The following TMEM117 variants were observed in gnomAD, a reference collection of about 807,000 sequenced individuals.
TMEM117 encodes transmembrane protein 117.
In TMEM117, 27 loss-of-function variants were observed where a neutral mutation model predicts 52.4. That is an observed-to-expected ratio of 0.51 (90% CI 0.38 to 0.71). TMEM117 has a LOEUF of 0.71. Among genes scored for constraint, TMEM117 ranks in the 30% least tolerant of loss-of-function variants. The probability of loss-of-function intolerance (pLI) is 0.00; values close to 1 mark genes in which losing one functional copy is unlikely to be tolerated. For synonymous variants in TMEM117, 215 were observed against 206.3 expected, an observed-to-expected ratio of 1.04 and a Z score of -0.36; for missense variants, 556 against 630.5, an observed-to-expected ratio of 0.88 and a Z score of 1.26.
rs1330358683 is a variant in TMEM117 at position 44,299,613 on chromosome 12, A to T, written c.642A>T (p.Val214=). The T allele has an allele frequency of 6.2e-7, 1 of 1,614,162 alleles. No individual in the cohort carries two copies. The highest frequency in any genetic ancestry group is 1.7e-5 in the Admixed American group (1 of 60,022). ...TTTTTACTCTGACGTCTGTGGTTGT[A>T]CTTGTGATTACAACGGACTGGATCA... ...TVLFTLTSVV[V]LVITTDWISW... Residue 214 remains valine (V), a synonymous_variant, in exon 6 of 8, where the codon GTA becomes GTT. Transcript: ENST00000266534.
intron 2 of TMEM117, among the ~76,000 whole-genome samples, chr12:43,907,271 C>T (rs1944409233): frequency 6.6e-6 from 1 of 151,928 alleles, no homozygotes; most frequent in Admixed American, 6.6e-5. Flanking sequence ...TCCAACAGAC[C>T]TGCAGCCGAG....
chr12:44,024,694 A>G (rs932144061), intron 3 of TMEM117, among the ~76,000 whole-genome samples: 4 of 152,088 alleles, frequency 2.6e-5, no homozygotes, highest in Non-Finnish European at 5.9e-5. Flanking sequence ...GATTGTGGTG[A>G]TTGAAAGTCA....
chr12:44,123,765 C>T lies in TMEM117; in HGVS notation c.411-19760C>T, dbSNP rs150825995. 4.2e-3 allele frequency among the ~76,000 whole-genome samples: 645 copies of T among 151,996 alleles called. 2 individuals carry two copies. The highest frequency in any genetic ancestry group is 7.7e-3 in the Non-Finnish European group (522 of 67,934). ...ATTCTGTTACATTGGTATATGTGTCCGTTTTTGTACTGGTACCATGCTGTT... is the reference window on the plus strand; with the variant it reads ...ATTCTGTTACATTGGTATATGTGTCTGTTTTTGTACTGGTACCATGCTGTT... On this transcript the variant is annotated intron_variant, in intron 3 of 7. Transcript: ENST00000266534.
intron 3 of TMEM117, among the ~76,000 whole-genome samples, chr12:44,102,204 A>T (rs1947873219): frequency 6.6e-6 from 1 of 152,048 alleles, no homozygotes; most frequent in African/African-American, 2.4e-5. Flanking sequence ...ATTAATATTG[A>T]GAAGAAAGCA....
the TMEM117 span, among the ~76,000 whole-genome samples, chr12:43,830,160 A>AGGAATG: frequency 0.052 from 7,815 of 151,552 alleles, 360 homozygotes; most frequent in African/African-American, 0.12. Flanking sequence ...TCAAGGTAAT[A>AGGAATG]GCCCTGTGAA....
At chr12:44,371,032 A>G (rs1368866738) in intron 6 of TMEM117, among the ~76,000 whole-genome samples, 5 of 152,174 alleles carry the variant, frequency 3.3e-5, no homozygotes, top group Non-Finnish European at 5.9e-5. Flanking sequence ...TACTAGGACA[A>G]CTTTGCCAAT....
At chr12:44,040,173 A>G (rs1946774960) in intron 3 of TMEM117, among the ~76,000 whole-genome samples, 1 of 152,180 alleles carries the variant, frequency 6.6e-6, no homozygotes, top group Admixed American at 6.5e-5. Context: ...GCCATTATAT[A>G]GTATTCCCAC....
chr12:44,291,664 A>G (rs1258137042), intron 5 of TMEM117, among the ~76,000 whole-genome samples: 1 of 151,828 alleles, frequency 6.6e-6, no homozygotes, highest in Non-Finnish European at 1.5e-5. Flanking sequence ...TTTGAGGTAC[A>G]TTTCTTCTGT....
the TMEM117 span, among the ~76,000 whole-genome samples, chr12:43,810,448 C>T: frequency 6.6e-6 from 1 of 152,122 alleles, no homozygotes; most frequent in Non-Finnish European, 1.5e-5. Flanking sequence ...GACAACCTTC[C>T]TTGTCCTTTA....
At chr12:44,276,495 G>T (rs577993832) in intron 5 of TMEM117, among the ~76,000 whole-genome samples, 1 of 152,192 alleles carries the variant, frequency 6.6e-6, no homozygotes, top group East Asian at 1.9e-4. Flanking sequence ...GGGGTGAGGG[G>T]ACTGGGGAGA....
At chr12:44,087,458 A>C (rs1185112118) in intron 3 of TMEM117, among the ~76,000 whole-genome samples, 1 of 151,762 alleles carries the variant, frequency 6.6e-6, no homozygotes, top group South Asian at 2.1e-4. Context: ...GTATGTATGT[A>C]TGTATGTATG....
intron 3 of TMEM117, among the ~76,000 whole-genome samples, chr12:43,955,133 C>T (rs1945286460): frequency 1.3e-5 from 2 of 152,092 alleles, no homozygotes; most frequent in South Asian, 4.2e-4. Flanking sequence ...GAACATGCCT[C>T]AAAATAATAG....
intron 3 of TMEM117, among the ~76,000 whole-genome samples, chr12:44,061,930 GA>G (rs1183633257): frequency 6.6e-6 from 1 of 152,056 alleles, no homozygotes; most frequent in Non-Finnish European, 1.5e-5. Flanking sequence ...AGAGGCAGAG[GA>G]AAAAAGAGAA....
At chr12:43,838,543 T>C (rs1297632064) in intron 1 of TMEM117, among the ~76,000 whole-genome samples, 1 of 150,142 alleles carries the variant, frequency 6.7e-6, no homozygotes, top group Admixed American at 6.7e-5. Flanking sequence ...TCCAGTTTTT[T>C]TTTTTTTTTT....
intron 6 of TMEM117, among the ~76,000 whole-genome samples, chr12:44,306,603 A>G (rs1458073488): frequency 6.6e-6 from 1 of 152,186 alleles, no homozygotes. Flanking sequence ...CATACCTCCT[A>G]TAATGTGTAA....
chr12:43,926,931 C>T (rs546080409), intron 2 of TMEM117, among the ~76,000 whole-genome samples: 4 of 151,676 alleles, frequency 2.6e-5, no homozygotes, highest in South Asian at 2.1e-4. Context: ...ATTATTTTTT[C>T]GTATCTTTTA....
intron 2 of TMEM117, among the ~76,000 whole-genome samples, chr12:43,919,446 G>A (rs1039200254): frequency 2.0e-5 from 3 of 152,166 alleles, no homozygotes; most frequent in African/African-American, 7.2e-5. Context: ...GTTCATCCAT[G>A]CTGTCTCATA....
the TMEM117 span, chr12:43,804,185 G>A: frequency 2.3e-6 from 1 of 438,440 alleles, no homozygotes; most frequent in Non-Finnish European, 4.5e-6. Flanking sequence ...CCTGTTTAGT[G>A]ATTTCCATTC....
Position 43,942,674 on chromosome 12 carries a change from C to T in TMEM117, c.278-1536C>T, listed in dbSNP as rs184567332. Among the ~76,000 whole-genome samples the T allele has an allele frequency of 1.5e-3, 223 of 151,928 alleles. 1 individual carries two copies. The highest frequency in any genetic ancestry group is 2.2e-3 in the Non-Finnish European group (151 of 67,934). On this transcript the variant is annotated intron_variant, in intron 2 of 7. Transcript: ENST00000266534. ...TAGCTAGGATAATGTTTCTGTTAGC[C>T]TAGTTTCCAAATGAAATCTAAAGTA... is the stretch of plus-strand genomic sequence containing the variant.
Sources: allele counts gnomAD v4.1 joint callset (sites outside exome capture counted in the v4.1 genomes callset), GRCh38; gene constraint gnomAD v4.1.1; transcripts MANE v1.5; gene names NCBI Gene and HGNC (gene_info 2026-07-23, HGNC 2026-07-21).